HPSE2: variants seen among roughly 807,000 people sequenced by gnomAD.
The protein encoded by HPSE2 is heparanase 2 (inactive).
Under a neutral mutation model 60.5 loss-of-function variants are expected in HPSE2, and 38 were observed. The ratio of observed to expected loss-of-function variants is 0.63; its 90% CI spans 0.48 to 0.82. The LOEUF is 0.82. Among genes scored for constraint, HPSE2 ranks in the 40% least tolerant of loss-of-function variants. The pLI is 0.00. For synonymous variants in HPSE2, 295 were observed against 293.2 expected, an observed-to-expected ratio of 1.01 and a Z score of -0.06; for missense variants, 713 against 740.4, an observed-to-expected ratio of 0.96 and a Z score of 0.43.
chr10:99,281,933 T>C, the HPSE2 span, among the ~76,000 whole-genome samples: 26 of 151,876 alleles, frequency 1.7e-4, no homozygotes, highest in African/African-American at 6.0e-4. Flanking sequence ...TATATTATTA[T>C]CAGAAAAAAA....
the HPSE2 span, among the ~76,000 whole-genome samples, chr10:99,310,673 C>T: frequency 2.6e-5 from 4 of 152,190 alleles, no homozygotes; most frequent in South Asian, 8.3e-4. Context: ...GTCGCTCAGG[C>T]TGGAGTGCAG....
chr10:98,639,836 T>C (rs1239061170), intron 7 of HPSE2, among the ~76,000 whole-genome samples: 1 of 152,210 alleles, frequency 6.6e-6, no homozygotes, highest in African/African-American at 2.4e-5. Flanking sequence ...CTCAGTGCCT[T>C]GATAGAACTG....
chr10:98,463,481 T>C (rs990734746), intron 11 of HPSE2, among the ~76,000 whole-genome samples: 1 of 152,214 alleles, frequency 6.6e-6, no homozygotes, highest in Non-Finnish European at 1.5e-5. Context: ...GTAGATATTG[T>C]TGGGATTGAA....
At chr10:98,760,821 A>G (rs556551720) in intron 3 of HPSE2, among the ~76,000 whole-genome samples, 1 of 152,202 alleles carries the variant, frequency 6.6e-6, no homozygotes, top group East Asian at 1.9e-4. Context: ...TGGTATCACT[A>G]AAGTTGGTCT....
chr10:99,283,637 C>A, the HPSE2 span, among the ~76,000 whole-genome samples: 491 of 151,764 alleles, frequency 3.2e-3, no homozygotes, highest in Non-Finnish European at 5.8e-3. Flanking sequence ...AGAGAGAAGA[C>A]CCAAATTACT....
intron 3 of HPSE2, among the ~76,000 whole-genome samples, chr10:99,005,745 A>C (rs1956876966): frequency 6.6e-6 from 1 of 152,092 alleles, no homozygotes; most frequent in African/African-American, 2.4e-5. Flanking sequence ...CTTATCTTAC[A>C]TTGAAGCTTG....
chr10:98,981,311 T>A lies in HPSE2; in HGVS notation c.610+162927A>T, dbSNP rs992421846. Among the ~76,000 whole-genome samples the A allele has an allele frequency of 3.9e-5, 6 of 152,272 alleles. No individual in the cohort carries two copies. The East Asian group carries it at 1.2e-3, about 29-fold the overall frequency. ...TCTTAATTACTACCTCCAAAGTTCC[T>A]TTCCAATTTTTCCCTGTCTAGGTGT... On this transcript the variant is annotated intron_variant, in intron 3 of 11. Transcript: ENST00000370552.
chr10:98,790,420 T>A (rs750974044), intron 3 of HPSE2, among the ~76,000 whole-genome samples: 1 of 152,112 alleles, frequency 6.6e-6, no homozygotes, highest in Non-Finnish European at 1.5e-5. Context: ...ATCTCACTTA[T>A]ATGTGGAATC....
intron 3 of HPSE2, among the ~76,000 whole-genome samples, chr10:99,032,736 T>G (rs1241644459): frequency 3.9e-5 from 6 of 152,204 alleles, no homozygotes; most frequent in Non-Finnish European, 8.8e-5. Context: ...TTCTGGAAGC[T>G]CTAAGGGAGA....
At chr10:98,560,084 G>C (rs534919112) in intron 9 of HPSE2, among the ~76,000 whole-genome samples, 2 of 152,128 alleles carry the variant, frequency 1.3e-5, no homozygotes, top group Admixed American at 1.3e-4. Flanking sequence ...ACTATTAAAA[G>C]GTTTTTAAAA....
At chr10:98,603,154 G>A (rs1245269621) in intron 9 of HPSE2, among the ~76,000 whole-genome samples, 3 of 152,134 alleles carry the variant, frequency 2.0e-5, no homozygotes, top group Non-Finnish European at 2.9e-5. Context: ...GCAAACCACT[G>A]CCCCCAAAAT....
chr10:98,881,604 A>G (rs1336185237), intron 3 of HPSE2, among the ~76,000 whole-genome samples: 1 of 152,096 alleles, frequency 6.6e-6, no homozygotes, highest in East Asian at 1.9e-4. Context: ...GAATAATAAT[A>G]TAGAATGAGA....
intron 3 of HPSE2, among the ~76,000 whole-genome samples, chr10:99,066,197 T>C (rs1842612308): frequency 6.6e-6 from 1 of 152,142 alleles, no homozygotes; most frequent in African/African-American, 2.4e-5. Context: ...CAAACCAAGA[T>C]TACAAACTGT....
At chr10:98,706,797 G>C (rs1948559189) in intron 5 of HPSE2, among the ~76,000 whole-genome samples, 2 of 152,174 alleles carry the variant, frequency 1.3e-5, no homozygotes, top group Non-Finnish European at 2.9e-5. Flanking sequence ...AGGTTGGTCA[G>C]ATCACTAGGA....
At chr10:98,897,211 A>T (rs1426914261) in intron 3 of HPSE2, among the ~76,000 whole-genome samples, 1 of 152,156 alleles carries the variant, frequency 6.6e-6, no homozygotes, top group Admixed American at 6.6e-5. Context: ...GTGAGGGATA[A>T]AAAACTATTT....
chr10:98,724,447 T>C (rs1394899941), intron 4 of HPSE2, among the ~76,000 whole-genome samples: 2 of 152,178 alleles, frequency 1.3e-5, no homozygotes, highest in African/African-American at 2.4e-5. Context: ...TTCTGTTGAT[T>C]TGGGGTGCAG....
chr10:99,308,271 C>T, the HPSE2 span, among the ~76,000 whole-genome samples: 1 of 150,150 alleles, frequency 6.7e-6, no homozygotes, highest in African/African-American at 2.5e-5. Flanking sequence ...GCCTGAAATC[C>T]CAGCTACTTG....
intron 11 of HPSE2, among the ~76,000 whole-genome samples, chr10:98,468,352 T>A (rs1940639945): frequency 6.6e-6 from 1 of 152,136 alleles, no homozygotes; most frequent in Admixed American, 6.5e-5. Flanking sequence ...AAGACCGTCA[T>A]GACCCTCTCT....
chr10:98,685,523 T>A (rs957483521), intron 6 of HPSE2, among the ~76,000 whole-genome samples: 2 of 152,196 alleles, frequency 1.3e-5, no homozygotes, highest in Non-Finnish European at 1.5e-5. Flanking sequence ...TGCTTTTTTA[T>A]AAGGCTTTTT....
Sources: allele counts gnomAD v4.1 joint callset (sites outside exome capture counted in the v4.1 genomes callset), GRCh38; gene constraint gnomAD v4.1.1; transcripts MANE v1.5; gene names NCBI Gene and HGNC (gene_info 2026-07-23, HGNC 2026-07-21).